Variants in C1orf226 observed in about 807,000 individuals in gnomAD.
C1orf226 encodes the protein chromosome 1 open reading frame 226, also known as uncharacterized protein C1orf226.
C1orf226 carries 4 observed loss-of-function variants against 10.5 expected under a neutral mutation model. The ratio of observed to expected loss-of-function variants is 0.38; its 90% CI spans 0.19 to 0.87. The LOEUF is 0.87. Among genes scored for constraint, C1orf226 ranks in the 40% least tolerant of loss-of-function variants. The pLI is 0.41. For missense variants in C1orf226, 313 were observed against 336.2 expected, an observed-to-expected ratio of 0.93 and a Z score of 0.54; for synonymous variants, 125 against 139.3, an observed-to-expected ratio of 0.90 and a Z score of 0.72.
Position 162,383,628 on chromosome 1 carries a change from G to T in C1orf226, c.764G>T (p.Arg255Leu). The change falls in exon 2 of 2, where the codon CGG becomes CTG. Residue 255 changes from arginine to leucine, a missense_variant. Coordinates refer to ENST00000458626, the MANE Select transcript of C1orf226 (RefSeq NM_001085375.2). ...WEDGSPPPQA[R>L]TSSLDNEGPH... ...GATGGCAGCCCCCCTCCTCAGGCAC[G>T]GACCTCCAGCCTCGACAATGAGGGC... 6.2e-7 allele frequency: 1 copy of T among 1,609,268 alleles called. No homozygotes were observed. The highest frequency in any genetic ancestry group is 8.5e-7 in the Non-Finnish European group (1 of 1,177,996).
rs751292437 is a variant in C1orf226 at position 162,383,544 on chromosome 1, T to G, written c.680T>G (p.Ile227Ser). 1.9e-5 allele frequency: 30 copies of G among 1,606,326 alleles called. No individual in the cohort carries two copies. Among genetic ancestry groups the G allele is most frequent in the Non-Finnish European group, 2.3e-5 (27 of 1,176,042 alleles). ...AGAAGGGCCTCCTCCCCCAGCCTTA[T>G]CGAGAGGAATGGCTTCAAACTCAGC... ...ECRRASSPSL[I>S]ERNGFKLSLS... is the part of the protein sequence containing the mutation. The change falls in exon 2 of 2, where the codon ATC becomes AGC. Residue 227 changes from isoleucine (I) to serine (S), a missense_variant. Ile to Ser is a moderately radical substitution (Grantham distance 142). Transcript: ENST00000458626.
chr1:162,383,399 G>A lies in C1orf226; in HGVS notation c.535G>A (p.Ala179Thr). 1.3e-6 allele frequency: 2 copies of A among 1,592,914 alleles called. No homozygotes were observed. Among genetic ancestry groups the A allele is most frequent in the Non-Finnish European group, 1.7e-6 (2 of 1,169,588 alleles). ...DVPADASQPE[A>T]TMEREERGKV... Reference sequence around the variant, plus strand: ...CCCAGCAGACGCTTCACAGCCAGAGGCCACCATGGAAAGAGAAGAGAGAGG... The same window carrying A: ...CCCAGCAGACGCTTCACAGCCAGAGACCACCATGGAAAGAGAAGAGAGAGG... Residue 179 changes from alanine (A) to threonine (T), a missense_variant, in exon 2 of 2, where the codon GCC (alanine) becomes ACC (threonine). Physicochemically the swap from Ala to Thr is moderately conservative, Grantham distance 58. Coordinates refer to ENST00000458626, the MANE Select transcript of C1orf226 (RefSeq NM_001085375.2).
chr1:162,382,373 G>A (rs7531449), intron 1 of C1orf226, among the ~76,000 whole-genome samples, 155 bp downstream of exon 1: 29,399 of 146,756 alleles, frequency 0.2, 3,029 homozygotes, highest in South Asian at 0.3. Flanking sequence ...CCACGTTCTC[G>A]GGAGCTGGCT....
At chr1:162,379,325 G>T (rs532903882), upstream of C1orf226, among the ~76,000 whole-genome samples, 1 of 152,170 alleles carries the variant, frequency 6.6e-6, no homozygotes, top group African/African-American at 2.4e-5. Context: ...GAATAGAAGG[G>T]CAGTTATCCG....
upstream of C1orf226, among the ~76,000 whole-genome samples, chr1:162,381,354 C>G (rs981304714): frequency 6.6e-6 from 1 of 152,192 alleles, no homozygotes. Flanking sequence ...CTGGCCCACT[C>G]GCTCAAGGCC....
At chr1:162,382,249 CCCT>C in intron 1 of C1orf226, 31 bp downstream of exon 1, 2 of 1,540,334 alleles carry the variant, frequency 1.3e-6, no homozygotes, top group Non-Finnish European at 1.7e-6. Context: ...ACATCCATGC[CCCT>C]CTGTGGACCC....
chr1:162,379,402 GA>G (rs1647839309), upstream of C1orf226, among the ~76,000 whole-genome samples: 3 of 152,010 alleles, frequency 2.0e-5, no homozygotes, highest in Non-Finnish European at 4.4e-5. Flanking sequence ...TTTATAAATG[GA>G]AAAAGACTTG....
In C1orf226 at chr1:162,384,888, G is replaced by C. The variant is rs1254229429; in HGVS notation, c.*1205G>C. On this transcript the variant is annotated 3_prime_UTR_variant, in exon 2 of 2. Transcript: ENST00000458626. ...CCCTTGCCTGCCTTTCTTTTATGCT[G>C]ATGCTGGTGGGCTTTTTCCTGCTTC... 1 of 153,008 alleles carries C rather than the reference G, an allele frequency of 6.5e-6. No individual in the cohort carries two copies. The highest frequency in any genetic ancestry group is 2.4e-5 in the African/African-American group (1 of 41,464). 9.5% of individuals were successfully genotyped at this position (153,008 alleles called of 1,614,324 possible).
intron 1 of C1orf226, among the ~76,000 whole-genome samples, chr1:162,382,920 C>G (rs780642497): frequency 6.2e-4 from 94 of 152,354 alleles, no homozygotes; most frequent in Non-Finnish European, 1.2e-3. Context: ...CAAGCTTCAC[C>G]AGCGGTCTCT....
chr1:162,380,447 G>A (rs1647868730), upstream of C1orf226, among the ~76,000 whole-genome samples: 1 of 152,202 alleles, frequency 6.6e-6, no homozygotes, highest in Non-Finnish European at 1.5e-5. Flanking sequence ...CAGCAGTGCA[G>A]GGCAGAAAGA....
At chr1:162,380,307 TCC>T (rs2101845350), upstream of C1orf226, among the ~76,000 whole-genome samples, 1 of 152,272 alleles carries the variant, frequency 6.6e-6, no homozygotes, top group Non-Finnish European at 1.5e-5. Flanking sequence ...GAGAGTAGTC[TCC>T]ACTTCACTTC....
At position 162,383,349 on chromosome 1, in the gene C1orf226, C is replaced by T; in HGVS notation, c.485C>T (p.Ser162Phe). 1 of 1,606,506 alleles carries T rather than the reference C, an allele frequency of 6.2e-7. No homozygotes were observed. Among genetic ancestry groups the T allele is most frequent in the East Asian group, 2.2e-5 (1 of 44,524 alleles). Residue 162 changes from serine (S) to phenylalanine (F), a missense_variant, in exon 2 of 2, where the codon TCC becomes TTC. Physicochemically the swap from Ser to Phe is radical, Grantham distance 155 (BLOSUM62 -2). Coordinates refer to ENST00000458626, the MANE Select transcript of C1orf226 (RefSeq NM_001085375.2). ...CCATCACCTGGGCAGGCCCAGGACT[C>T]CGCTCCCACTGCCCAGCCTGACGTC... is the stretch of plus-strand genomic sequence containing the variant. ...TEPSPGQAQD[S>F]APTAQPDVPA...
Position 162,383,618 on chromosome 1 carries a change from C to T in C1orf226, c.754C>T (p.Pro252Ser), listed in dbSNP as rs748307397. ...AESWEDGSPP[P>S]QARTSSLDNE... is the part of the protein sequence containing the mutation. ...GTCCTGGGAGGATGGCAGCCCCCCT[C>T]CTCAGGCACGGACCTCCAGCCTCGA... Residue 252 changes from proline (P) to serine (S), a missense_variant, in exon 2 of 2, where the codon CCT becomes TCT. Physicochemically the swap from Pro to Ser is moderately conservative, Grantham distance 74. Transcript: ENST00000458626. 1 of 1,609,004 alleles carries T rather than the reference C, an allele frequency of 6.2e-7. No individual in the cohort carries two copies. The highest frequency in any genetic ancestry group is 8.5e-7 in the Non-Finnish European group (1 of 1,177,796).
Position 162,383,708 on chromosome 1 carries a change from T to C in C1orf226, c.*25T>C. The C allele has an allele frequency of 6.4e-7, 1 of 1,551,032 alleles. No homozygotes were observed. Among genetic ancestry groups the C allele is most frequent in the South Asian group, 1.2e-5 (1 of 81,594 alleles). On this transcript the variant is annotated 3_prime_UTR_variant, in exon 2 of 2. Coordinates refer to ENST00000458626, the MANE Select transcript of C1orf226 (RefSeq NM_001085375.2). Reference sequence around the variant, plus strand: ...GAGCCTCTGCTCTTTCCTGCTGAGCTCTGCCCTTGTCTTCCTGCTGCTTTC... The same window carrying C: ...GAGCCTCTGCTCTTTCCTGCTGAGCCCTGCCCTTGTCTTCCTGCTGCTTTC...
At position 162,382,118 on chromosome 1, in the gene C1orf226, A is replaced by G. The variant is rs1230025325; in HGVS notation, c.217A>G (p.Ser73Gly). The change falls in exon 1 of 2, where the codon AGC becomes GGC. Residue 73 changes from serine to glycine, a missense_variant. Coordinates refer to ENST00000458626, the MANE Select transcript of C1orf226 (RefSeq NM_001085375.2). Reference protein sequence around the residue: ...NDFLRRKEPSSLGSVGVTEIN... With the variant: ...NDFLRRKEPSGLGSVGVTEIN... ...CTTCCTGAGGAGAAAGGAGCCCTCC[A>G]GCCTGGGCAGTGTGGGTGTGACAGA... The G allele has an allele frequency of 6.3e-7, 1 of 1,589,708 alleles. No homozygotes were observed. The highest frequency in any genetic ancestry group is 1.1e-5 in the South Asian group (1 of 87,428).
chr1:162,380,625 G>A (rs1232102395), upstream of C1orf226, among the ~76,000 whole-genome samples: 1 of 152,196 alleles, frequency 6.6e-6, no homozygotes, highest in Non-Finnish European at 1.5e-5. Context: ...ACATATCTGG[G>A]GTAGTTGGTG....
chr1:162,380,821 T>C (rs1647881060), upstream of C1orf226, among the ~76,000 whole-genome samples: 2 of 152,198 alleles, frequency 1.3e-5, no homozygotes, highest in Non-Finnish European at 2.9e-5. Flanking sequence ...ACCACAATTT[T>C]CTATCTACAA....
Position 162,384,360 on chromosome 1 carries a change from A to T in C1orf226, c.*677A>T, listed in dbSNP as rs164418. 0.17 allele frequency: 25,912 copies of T among 152,312 alleles called. 2,590 individuals carry two copies. The highest frequency in any genetic ancestry group is 0.3 in the Middle Eastern group (88 of 290). The allele number at this position is 152,312 out of a possible 1,614,324, so 9.4% of individuals were successfully genotyped here. ...ACCTTGAGAGTTCACCCAGGGTTTG[A>T]ACGCTGCCACCCAGGGTTCCCAAGG... On this transcript the variant is annotated 3_prime_UTR_variant, in exon 2 of 2. Transcript: ENST00000458626.
upstream of C1orf226, among the ~76,000 whole-genome samples, chr1:162,379,232 G>A (rs375499768): frequency 2.2e-4 from 34 of 151,850 alleles, 1 homozygote; most frequent in South Asian, 5.4e-3. Flanking sequence ...GGTCATTAGC[G>A]TCATCATCAA....
Sources: gnomAD v4.1 joint callset for allele counts (sites outside exome capture counted in the v4.1 genomes callset) on GRCh38, gnomAD v4.1.1 for gene constraint, MANE v1.5 for transcripts, NCBI Gene and HGNC (gene_info 2026-07-23, HGNC 2026-07-21) for gene names.